Variants in ADAMTSL1 observed in about 807,000 individuals in gnomAD.
ADAMTSL1 encodes ADAMTS-like protein 1.
Under a neutral mutation model 201.8 loss-of-function variants are expected in ADAMTSL1, and 126 were observed. The observed-to-expected ratio is 0.62, with a 90% CI of 0.54 to 0.72. ADAMTSL1 has a LOEUF of 0.72. Among genes scored for constraint, ADAMTSL1 ranks in the 30% least tolerant of loss-of-function variants. The pLI is 0.00. For missense variants in ADAMTSL1, 2,679 were observed against 2,277.8 expected (o/e 1.18, Z -3.59); for synonymous variants, 1,121 against 903.4 (o/e 1.24, Z -4.32).
At chr9:18,813,471 A>T (rs921972964) in intron 20 of ADAMTSL1, among the ~76,000 whole-genome samples, 36 of 152,134 alleles carry the variant, frequency 2.4e-4, no homozygotes, top group South Asian at 8.3e-4. Flanking sequence ...GGATATCTTT[A>T]CATTTATTTG....
intron 1 of ADAMTSL1, among the ~76,000 whole-genome samples, chr9:17,940,649 G>A (rs1827197653): frequency 4.8e-5 from 7 of 145,802 alleles, no homozygotes; most frequent in Admixed American, 4.2e-4. Context: ...TATAAATAAC[G>A]ACTTGTCTTT....
At chr9:18,405,648 A>G (rs1177878268) in intron 2 of ADAMTSL1, among the ~76,000 whole-genome samples, 1 of 152,110 alleles carries the variant, frequency 6.6e-6, no homozygotes, top group Non-Finnish European at 1.5e-5. Flanking sequence ...AAAAAAAAAA[A>G]AAGACTTACC....
intron 2 of ADAMTSL1, among the ~76,000 whole-genome samples, chr9:18,420,558 A>C (rs1232209909): frequency 6.6e-6 from 1 of 152,106 alleles, no homozygotes; most frequent in African/African-American, 2.4e-5. Flanking sequence ...TGCCTTTGTG[A>C]GGAACTAGGG....
intron 9 of ADAMTSL1, among the ~76,000 whole-genome samples, chr9:18,669,910 T>A (rs767013098): frequency 2.6e-5 from 4 of 152,188 alleles, no homozygotes; most frequent in Non-Finnish European, 4.4e-5. Flanking sequence ...AGAGGAGTAC[T>A]GACCTTCCAA....
chr9:18,473,532 T>C (rs181666704), upstream of ADAMTSL1, among the ~76,000 whole-genome samples: 1 of 152,210 alleles, frequency 6.6e-6, no homozygotes, highest in Non-Finnish European at 1.5e-5. Context: ...TGCCACTGTT[T>C]AGGCTTAGTG....
intron 1 of ADAMTSL1, among the ~76,000 whole-genome samples, chr9:18,487,418 T>C (rs867773595): frequency 1.6e-4 from 25 of 152,338 alleles, no homozygotes; most frequent in African/African-American, 6.0e-4. Flanking sequence ...AATAGGTATT[T>C]ATGTTTTAAA....
At chr9:18,391,923 C>T (rs1016321213) in intron 2 of ADAMTSL1, among the ~76,000 whole-genome samples, 2 of 143,144 alleles carry the variant, frequency 1.4e-5, no homozygotes, top group Admixed American at 7.6e-5. Context: ...CTCCTGGGTT[C>T]ACGCCATTCT....
chr9:18,307,783 C>G (rs1463197506), intron 2 of ADAMTSL1, among the ~76,000 whole-genome samples: 1 of 152,084 alleles, frequency 6.6e-6, no homozygotes, highest in African/African-American at 2.4e-5. Context: ...TTACACAGAT[C>G]AATGAGACAG....
intron 1 of ADAMTSL1, among the ~76,000 whole-genome samples, chr9:18,073,738 G>T (rs1823068345): frequency 6.6e-6 from 1 of 152,142 alleles, no homozygotes; most frequent in African/African-American, 2.4e-5. Context: ...GTGAGCTCTG[G>T]CAAGGGATTA....
At chr9:18,306,374 A>G (rs58134546) in intron 2 of ADAMTSL1, among the ~76,000 whole-genome samples, 10,415 of 152,152 alleles carry the variant, frequency 0.068, 1,158 homozygotes, top group African/African-American at 0.23. Context: ...GGCTTCAGAA[A>G]GTGGATAATA....
At position 18,504,843 on chromosome 9, in the gene ADAMTSL1, A is replaced by C. The variant is rs1401791850; in HGVS notation, c.78A>C (p.Ala26=). Residue 26 remains alanine, a synonymous_variant, in exon 2 of 29, where the codon GCA becomes GCC. Transcript: ENST00000380548. The part of the protein sequence containing the change: ...LAFLLLSSRT[A]RSEEDRDGLW... Reference sequence around the variant, plus strand: ...GTTTCTCACAGAGTTCCAGGACCGCACGCTCCGAGGAGGACCGGGACGGCC... The same window carrying C: ...GTTTCTCACAGAGTTCCAGGACCGCCCGCTCCGAGGAGGACCGGGACGGCC... The C allele has an allele frequency of 6.2e-7, 1 of 1,614,050 alleles. No individual in the cohort carries two copies. The highest frequency in any genetic ancestry group is 8.5e-7 in the Non-Finnish European group (1 of 1,180,038).
At chr9:18,159,676 G>A (rs769903935) in intron 1 of ADAMTSL1, among the ~76,000 whole-genome samples, 3 of 151,942 alleles carry the variant, frequency 2.0e-5, no homozygotes, top group Non-Finnish European at 4.4e-5. Flanking sequence ...GAAAATTGGA[G>A]GGGAAATTTT....
chr9:18,098,658 A>G (rs201417034), intron 1 of ADAMTSL1, among the ~76,000 whole-genome samples: 1 of 152,334 alleles, frequency 6.6e-6, no homozygotes, highest in East Asian at 1.9e-4. Flanking sequence ...ACATGCTAAC[A>G]ACTTCATTTC....
chr9:18,481,507 T>A (rs1302365541), intron 1 of ADAMTSL1, among the ~76,000 whole-genome samples: 1 of 152,166 alleles, frequency 6.6e-6, no homozygotes, highest in Non-Finnish European at 1.5e-5. Flanking sequence ...AAGAGTTTTT[T>A]TTTTTTTTAA....
In ADAMTSL1 at chr9:18,218,219, C is replaced by A. The variant is rs550880080; in HGVS notation, c.207+54238C>A. ...TGTAAATGAGATTTGCTCTAATTTT[C>A]TAACATATCCAACTGTATAGAAAAT... On this transcript the variant is annotated intron_variant, in intron 2 of 29. Transcript: ENST00000680146. 3.3e-5 allele frequency among the ~76,000 whole-genome samples: 5 copies of A among 152,202 alleles called. No individual in the cohort carries two copies. The South Asian group carries it at 6.2e-4, about 19-fold the overall frequency.
chr9:18,306,655 A>G (rs539722464), intron 2 of ADAMTSL1, among the ~76,000 whole-genome samples: 13 of 152,294 alleles, frequency 8.5e-5, no homozygotes, highest in African/African-American at 2.4e-4. Flanking sequence ...AAAAGAATGA[A>G]AAGGAACAAA....
chr9:18,119,639 A>G (rs1024031791), intron 1 of ADAMTSL1, among the ~76,000 whole-genome samples: 3 of 152,066 alleles, frequency 2.0e-5, no homozygotes, highest in African/African-American at 7.2e-5. Context: ...ACTACAGAGC[A>G]GGTGGAGGGC....
At chr9:18,659,314 TGTGGTTCTATG>T (rs1028406079) in intron 8 of ADAMTSL1, among the ~76,000 whole-genome samples, 1 of 152,202 alleles carries the variant, frequency 6.6e-6, no homozygotes, top group Non-Finnish European at 1.5e-5. Flanking sequence ...TACTGAAAAA[TGTGGTTCTATG>T]GAGCAATGTT....
chr9:18,393,297 C>A (rs1028980001), intron 2 of ADAMTSL1, among the ~76,000 whole-genome samples: 4 of 152,154 alleles, frequency 2.6e-5, no homozygotes, highest in African/African-American at 9.7e-5. Flanking sequence ...TTGCATTCCA[C>A]TTAATTGCCT....
Sources: allele counts gnomAD v4.1 joint callset (sites outside exome capture counted in the v4.1 genomes callset), GRCh38; gene constraint gnomAD v4.1.1; transcripts MANE v1.5; gene names NCBI Gene and HGNC (gene_info 2026-07-23, HGNC 2026-07-21).